The following VPS13B variants were observed in gnomAD, a reference collection of about 807,000 sequenced individuals.
VPS13B encodes vacuolar protein sorting 13 homolog B.
VPS13B carries 285 observed loss-of-function variants against 426.4 expected under a neutral mutation model. The ratio of observed to expected loss-of-function variants is 0.67; its 90% CI spans 0.61 to 0.74. VPS13B has a LOEUF of 0.74. VPS13B is among the 30% of genes least tolerant of loss of function. The probability of loss-of-function intolerance (pLI) is 0.00; values close to 1 mark genes in which losing one functional copy is unlikely to be tolerated. For missense variants in VPS13B, 4,537 were observed against 4,782.6 expected (o/e 0.95, Z 1.51); for synonymous variants, 1,676 against 1,676.4 (o/e 1.00, Z 0.01).
At chr8:99,614,051 T>C (rs1827958648) in intron 33 of VPS13B, 1 of 152,282 alleles carries the variant, frequency 6.6e-6, no homozygotes, top group East Asian at 1.9e-4. Context: ...CCCAAGTACC[T>C]AGACTACAGA....
intron 30 of VPS13B, among the ~76,000 whole-genome samples, chr8:99,526,734 A>G (rs974578491): frequency 2.6e-5 from 4 of 152,192 alleles, no homozygotes; most frequent in African/African-American, 9.7e-5. Context: ...CCCATTTCTG[A>G]TGTAGCAGAG....
intron 3 of VPS13B, among the ~76,000 whole-genome samples, chr8:99,046,506 T>G (rs1157725627): frequency 2.0e-5 from 3 of 152,198 alleles, no homozygotes; most frequent in East Asian, 3.9e-4. Context: ...AGTGACAGTT[T>G]GACTTCCTCT....
chr8:99,319,878 C>T (rs1305093949), intron 19 of VPS13B, among the ~76,000 whole-genome samples: 2 of 152,104 alleles, frequency 1.3e-5, no homozygotes, highest in Non-Finnish European at 2.9e-5. Flanking sequence ...AATAATATAA[C>T]GTATTTTAGG....
intron 21 of VPS13B, among the ~76,000 whole-genome samples, chr8:99,414,586 G>A (rs546681736): frequency 3.9e-5 from 6 of 152,026 alleles, no homozygotes; most frequent in African/African-American, 1.2e-4. Flanking sequence ...TTTATGCTTC[G>A]TTCAGAAGCT....
At chr8:99,014,996 A>T (rs1459481887) in intron 2 of VPS13B, among the ~76,000 whole-genome samples, 1 of 152,014 alleles carries the variant, frequency 6.6e-6, no homozygotes, top group Non-Finnish European at 1.5e-5. Flanking sequence ...GAGATAAGGG[A>T]AGACTTAATC....
intron 24 of VPS13B, among the ~76,000 whole-genome samples, chr8:99,470,452 TAA>T (rs950461161): frequency 2.5e-4 from 38 of 152,052 alleles, no homozygotes; most frequent in Middle Eastern, 3.4e-3. Flanking sequence ...ATAAAAAGTA[TAA>T]AAAGAGTCAA....
chr8:99,317,550 T>C (rs146786895), intron 19 of VPS13B, among the ~76,000 whole-genome samples: 7 of 152,190 alleles, frequency 4.6e-5, no homozygotes, highest in Non-Finnish European at 8.8e-5. Flanking sequence ...ATAAAATTCA[T>C]TTTATTTTTT....
chr8:99,756,904 A>G (rs1392097397), intron 39 of VPS13B, among the ~76,000 whole-genome samples: 1 of 152,242 alleles, frequency 6.6e-6, no homozygotes, highest in Non-Finnish European at 1.5e-5. Context: ...TTACAACCAG[A>G]AAGTTTGCCA....
rs1441513727 is a variant in VPS13B at position 99,467,518 on chromosome 8, A to G, written c.3550A>G (p.Thr1184Ala). The change falls in exon 24 of 62, where the codon ACT becomes GCT. Residue 1184 changes from threonine to alanine, a missense_variant. By Grantham distance (58) the Thr-to-Ala change is moderately conservative (BLOSUM62 0). Coordinates refer to ENST00000357162, the MANE Select transcript of VPS13B (RefSeq NM_152564.5). ...AGTGGAACCTATGGGTTGCACCTCC[A>G]CTCTAGCTGTCACGTCTCAAAAACT... ...CLVEPMGCTS[T>A]LAVTSQKLLA... is the part of the protein sequence containing the mutation. 1 of 1,613,516 alleles carries G rather than the reference A, an allele frequency of 6.2e-7. No homozygotes were observed. The highest frequency in any genetic ancestry group is 1.3e-5 in the African/African-American group (1 of 74,878).
intron 41 of VPS13B, 116 bp downstream of exon 41, chr8:99,777,072 C>A: frequency 7.7e-7 from 1 of 1,305,040 alleles, no homozygotes; most frequent in Non-Finnish European, 1.1e-6. Flanking sequence ...AAGTATAAAG[C>A]GAGCAGTGGC....
intron 14 of VPS13B, among the ~76,000 whole-genome samples, chr8:99,150,086 T>A (rs1810980345): frequency 6.6e-6 from 1 of 152,206 alleles, no homozygotes; most frequent in Non-Finnish European, 1.5e-5. Flanking sequence ...ATTAACTTTA[T>A]TTTTGCTCCC....
chr8:99,650,895 C>T (rs1829789396), intron 34 of VPS13B, among the ~76,000 whole-genome samples: 2 of 152,148 alleles, frequency 1.3e-5, no homozygotes, highest in South Asian at 4.1e-4. Context: ...AGGACATGTA[C>T]AGACTTTTTT....
At chr8:99,600,590 C>T (rs745641962) in intron 33 of VPS13B, among the ~76,000 whole-genome samples, 2 of 152,230 alleles carry the variant, frequency 1.3e-5, no homozygotes, top group Non-Finnish European at 2.9e-5. Context: ...CAGGGAGACC[C>T]AGCATGGTAA....
chr8:99,591,870 C>G (rs142787458), intron 33 of VPS13B, among the ~76,000 whole-genome samples: 3,400 of 152,068 alleles, frequency 0.022, 137 homozygotes, highest in African/African-American at 0.078. Flanking sequence ...GTGGTGTTCT[C>G]TATATTTCCT....
chr8:99,591,644 G>A (rs994888063), intron 33 of VPS13B, among the ~76,000 whole-genome samples: 71 of 152,222 alleles, frequency 4.7e-4, no homozygotes, highest in African/African-American at 1.6e-3. Flanking sequence ...ATTCTGGGTT[G>A]AAAATTCTTT....
chr8:99,745,463 T>TGA (rs1408509070), intron 39 of VPS13B, among the ~76,000 whole-genome samples: 9 of 152,178 alleles, frequency 5.9e-5, no homozygotes, highest in Non-Finnish European at 1.2e-4. Flanking sequence ...TAAGATATTT[T>TGA]GAGAGAGAGA....
chr8:99,810,741 C>A (rs1033350470), intron 44 of VPS13B, among the ~76,000 whole-genome samples: 1 of 152,138 alleles, frequency 6.6e-6, no homozygotes, highest in South Asian at 2.1e-4. Flanking sequence ...GTAAGCCCAA[C>A]AATGTTGTCA....
chr8:99,520,350 T>C (rs1822312032), intron 29 of VPS13B, among the ~76,000 whole-genome samples: 1 of 151,888 alleles, frequency 6.6e-6, no homozygotes. Context: ...CATATTTCTT[T>C]TGAATTTTCT....
chr8:99,492,271 T>A (rs1183720476), intron 25 of VPS13B, among the ~76,000 whole-genome samples: 2 of 152,128 alleles, frequency 1.3e-5, no homozygotes, highest in East Asian at 3.9e-4. Flanking sequence ...CTGTATGAGG[T>A]GTCTGTCGGC....
Sources: allele counts gnomAD v4.1 joint callset (sites outside exome capture counted in the v4.1 genomes callset), GRCh38; gene constraint gnomAD v4.1.1; transcripts MANE v1.5; gene names NCBI Gene and HGNC (gene_info 2026-07-23, HGNC 2026-07-21).